The following NTM variants were observed in gnomAD, a reference collection of about 807,000 sequenced individuals.
NTM encodes the protein IgLON family member 2.
Under a neutral mutation model 42.1 loss-of-function variants are expected in NTM, and 13 were observed. That is an observed-to-expected ratio of 0.31 (90% confidence interval 0.20 to 0.49). The LOEUF is 0.49. NTM is among the 20% of genes least tolerant of loss of function. The pLI is 0.99. For missense variants in NTM, 373 were observed against 452.8 expected, an observed-to-expected ratio of 0.82 and a Z score of 1.60; for synonymous variants, 187 against 179.2, an observed-to-expected ratio of 1.04 and a Z score of -0.35.
chr11:131,373,445 C>T (rs985756684), intron 1 of NTM, among the ~76,000 whole-genome samples: 3 of 152,118 alleles, frequency 2.0e-5, no homozygotes, highest in African/African-American at 4.8e-5. Context: ...CTCCTCCCCA[C>T]AACCCAACCA....
chr11:132,128,053 C>T (rs1388101804), intron 2 of NTM, among the ~76,000 whole-genome samples: 2 of 152,166 alleles, frequency 1.3e-5, no homozygotes, highest in African/African-American at 2.4e-5. Flanking sequence ...CTCTCCTTTT[C>T]CCTGTGACCA....
chr11:131,416,352 T>C (rs956358273), intron 1 of NTM, among the ~76,000 whole-genome samples: 1 of 152,180 alleles, frequency 6.6e-6, no homozygotes, highest in Non-Finnish European at 1.5e-5. Context: ...AACTCATCAT[T>C]TTTTACCATT....
At chr11:132,143,253 T>C (rs1716762870) in intron 2 of NTM, among the ~76,000 whole-genome samples, 1 of 152,172 alleles carries the variant, frequency 6.6e-6, no homozygotes, top group Non-Finnish European at 1.5e-5. Flanking sequence ...CAGACCAGCA[T>C]CAGCAGCATT....
chr11:131,598,681 T>C (rs1454762218), intron 1 of NTM, among the ~76,000 whole-genome samples: 1 of 129,226 alleles, frequency 7.7e-6, no homozygotes, highest in Non-Finnish European at 1.7e-5. Flanking sequence ...TCTTCTCATT[T>C]GTTTTCTTTC....
intron 2 of NTM, among the ~76,000 whole-genome samples, chr11:132,122,221 A>G (rs1330995841): frequency 2.6e-5 from 4 of 152,196 alleles, no homozygotes; most frequent in African/African-American, 7.2e-5. Context: ...GGACCCTGCC[A>G]AAGTGATCTC....
chr11:131,434,985 T>A lies in NTM; in HGVS notation c.82+64097T>A, dbSNP rs1591654428. Among the ~76,000 whole-genome samples the A allele has an allele frequency of 3.9e-5, 6 of 152,340 alleles. 1 individual carries two copies. Among genetic ancestry groups the A allele is most frequent in the Admixed American group, 3.9e-4 (6 of 15,296 alleles). On this transcript the variant is annotated intron_variant, in intron 1 of 8. Coordinates refer to ENST00000683400, the MANE Select transcript of NTM (RefSeq NM_001352005.2). ...TTTTGTCTAAGGCGTAAGGAAGGGA[T>A]CCAGTTTCAGCTTTCTACATATGAC...
chr11:131,481,579 C>A (rs1444926963), intron 1 of NTM, among the ~76,000 whole-genome samples: 1 of 152,152 alleles, frequency 6.6e-6, no homozygotes, highest in Non-Finnish European at 1.5e-5. Flanking sequence ...ATTATGCAAC[C>A]TTTTCATAAC....
At position 131,991,936 on chromosome 11, in the gene NTM, TA is replaced by T. The variant is rs1369963667; in HGVS notation, c.167+80289del. Among the ~76,000 whole-genome samples the T allele has an allele frequency of 2.6e-5, 4 of 152,136 alleles. No individual in the cohort carries two copies. The East Asian group carries it at 7.7e-4, about 29-fold the overall frequency. On this transcript the variant is annotated intron_variant, in intron 2 of 8. Transcript: ENST00000683400. The stretch of plus-strand genomic sequence containing the variant: ...AGAAGTCATATTTTCATGAAGTGCT[TA>T]TAGTCCGTGTTTATTAATCTGCATC...
chr11:131,826,438 C>T (rs73583943), intron 1 of NTM, among the ~76,000 whole-genome samples: 4,212 of 152,014 alleles, frequency 0.028, 200 homozygotes, highest in African/African-American at 0.097. Context: ...TCAGGAAGGA[C>T]GTCTCTAGAC....
chr11:131,976,155 CCTTT>C (rs762108740), intron 2 of NTM, among the ~76,000 whole-genome samples: 46 of 130,042 alleles, frequency 3.5e-4, no homozygotes, highest in African/African-American at 6.3e-4. Context: ...TTCCTTCCTT[CCTTT>C]CTTCCTTCCT....
intron 4 of NTM, among the ~76,000 whole-genome samples, chr11:132,232,226 C>T (rs749748065): frequency 2.0e-5 from 3 of 152,184 alleles, no homozygotes; most frequent in African/African-American, 7.2e-5. Context: ...AAAGGAGGTG[C>T]TTGCCAAGCG....
At chr11:131,819,500 T>C (rs773181721) in intron 1 of NTM, among the ~76,000 whole-genome samples, 2 of 152,196 alleles carry the variant, frequency 1.3e-5, no homozygotes, top group Non-Finnish European at 2.9e-5. Context: ...TCCTCAAACA[T>C]TACTTTAGCA....
chr11:131,971,488 T>C (rs746228963), intron 2 of NTM, among the ~76,000 whole-genome samples: 17 of 152,172 alleles, frequency 1.1e-4, no homozygotes, highest in Non-Finnish European at 1.8e-4. Context: ...ATATTGAAGA[T>C]ATGTGTCAGT....
At chr11:131,774,536 G>T (rs1358606744) in intron 1 of NTM, among the ~76,000 whole-genome samples, 1 of 152,144 alleles carries the variant, frequency 6.6e-6, no homozygotes, top group Non-Finnish European at 1.5e-5. Context: ...GCATCTATTT[G>T]TCAGAGATTT....
Position 131,919,276 on chromosome 11 carries a change from C to T in NTM, c.167+7628C>T, listed in dbSNP as rs79644421. Among the ~76,000 whole-genome samples, 380 of 152,268 alleles carry T rather than the reference C, an allele frequency of 2.5e-3. 7 individuals carry two copies. The highest frequency in any genetic ancestry group is 0.02 in the East Asian group (103 of 5,188). On this transcript the variant is annotated intron_variant, in intron 2 of 8. Coordinates refer to ENST00000683400, the MANE Select transcript of NTM (RefSeq NM_001352005.2). ...GTTATTTAAGGTCATTTTGCTTCCT[C>T]AGGAGTAAGTTGATGGGTTCCCACT... is the stretch of plus-strand genomic sequence containing the variant.
At position 132,307,740 on chromosome 11, in the gene NTM, G is replaced by A. The variant is rs1289145335; in HGVS notation, c.578G>A (p.Arg193Lys). Residue 193 changes from arginine (R) to lysine (K), a missense_variant, in exon 5 of 9, where the codon AGG becomes AAG. Arg to Lys is a conservative substitution (Grantham distance 26, BLOSUM62 2). Transcript: ENST00000683400. ...TACTTGGAAATTCAGGGCATCACCA[G>A]GGAGCAGTCAGGGGACTACGAGTGC... ...DEYLEIQGIT[R>K]EQSGDYECSA... The A allele has an allele frequency of 1.9e-6, 3 of 1,614,140 alleles. No individual in the cohort carries two copies. The highest frequency in any genetic ancestry group is 2.2e-5 in the South Asian group (2 of 91,086).
At chr11:132,050,229 T>C (rs1424077293) in intron 2 of NTM, among the ~76,000 whole-genome samples, 1 of 152,070 alleles carries the variant, frequency 6.6e-6, no homozygotes, top group East Asian at 1.9e-4. Context: ...GGCAAGCTAA[T>C]AGTTACCCAG....
chr11:131,559,238 GGTCTAAAACTCT>G (rs2055880903), intron 1 of NTM, among the ~76,000 whole-genome samples: 1 of 152,268 alleles, frequency 6.6e-6, no homozygotes, highest in African/African-American at 2.4e-5. Flanking sequence ...CCCAAGGCCT[GGTCTAAAACTCT>G]TCTTTTTATT....
chr11:132,050,824 CTT>C (rs2078749865), intron 2 of NTM, among the ~76,000 whole-genome samples: 1 of 152,222 alleles, frequency 6.6e-6, no homozygotes, highest in African/African-American at 2.4e-5. Flanking sequence ...GCTGGTGTCT[CTT>C]CTCTTTTGGC....
Sources: gnomAD v4.1 joint callset for allele counts (sites outside exome capture counted in the v4.1 genomes callset) on GRCh38, gnomAD v4.1.1 for gene constraint, MANE v1.5 for transcripts, NCBI Gene and HGNC (gene_info 2026-07-23, HGNC 2026-07-21) for gene names.